ADCY2: variants seen among roughly 807,000 people sequenced by gnomAD.
ADCY2 encodes adenylate cyclase type 2.
Under a neutral mutation model 125.2 loss-of-function variants are expected in ADCY2, and 31 were observed. The observed-to-expected ratio is 0.25, with a 90% CI of 0.19 to 0.33. The LOEUF is 0.33. Ranked by LOEUF, ADCY2 falls within the 10% of genes least tolerant of loss-of-function variation. The pLI, the probability that ADCY2 is intolerant of heterozygous loss-of-function variation, is 1.00. For synonymous variants in ADCY2, 512 were observed against 548.4 expected (o/e 0.93, Z 0.93); for missense variants, 904 against 1,418.2 (o/e 0.64, Z 5.82).
chr5:7,650,880 G>A (rs1739064411), intron 4 of ADCY2, among the ~76,000 whole-genome samples: 1 of 152,134 alleles, frequency 6.6e-6, no homozygotes, highest in African/African-American at 2.4e-5. Context: ...TTGTAGGGCG[G>A]TTGCCCAGGG....
chr5:7,421,446 G>T (rs369918968), intron 2 of ADCY2, among the ~76,000 whole-genome samples: 18 of 152,284 alleles, frequency 1.2e-4, no homozygotes, highest in African/African-American at 4.1e-4. Context: ...GTCTTCACGT[G>T]GTAGCTCCTC....
chr5:7,705,370 A>T (rs1741233708), intron 7 of ADCY2, among the ~76,000 whole-genome samples: 1 of 152,234 alleles, frequency 6.6e-6, no homozygotes, highest in African/African-American at 2.4e-5. Flanking sequence ...AGTTGCCCTC[A>T]GGGCAGTTAC....
Position 7,715,777 on chromosome 5 carries a change from T to A in ADCY2, c.1623-1380T>A, listed in dbSNP as rs536245745. 6.6e-5 allele frequency among the ~76,000 whole-genome samples: 10 copies of A among 152,260 alleles called. No homozygotes were observed. The South Asian group carries it at 2.1e-3, about 32-fold the overall frequency. On this transcript the variant is annotated intron_variant, in intron 11 of 24. Coordinates refer to ENST00000338316, the MANE Select transcript of ADCY2 (RefSeq NM_020546.3). ...CAGGATGATGGAATTGGAAAACTCA[T>A]CCATCTCATTAATGATAATTCTGTG...
chr5:7,482,112 C>G (rs770328339), intron 2 of ADCY2, among the ~76,000 whole-genome samples: 16 of 152,012 alleles, frequency 1.1e-4, no homozygotes, highest in Admixed American at 2.0e-4. Context: ...TTTAAATTTT[C>G]AAAAAGTATT....
chr5:7,696,008 T>A, intron 6 of ADCY2, 145 bp downstream of exon 6: 1 of 551,970 alleles, frequency 1.8e-6, no homozygotes, highest in Non-Finnish European at 3.1e-6. Flanking sequence ...TCTTTGCTAT[T>A]GATCTTTCAT....
intron 3 of ADCY2, among the ~76,000 whole-genome samples, chr5:7,584,860 A>G (rs1038579242): frequency 6.6e-6 from 1 of 152,178 alleles, no homozygotes; most frequent in Non-Finnish European, 1.5e-5. Flanking sequence ...CGTGAAATGA[A>G]TTAGAACTCT....
intron 2 of ADCY2, among the ~76,000 whole-genome samples, chr5:7,424,166 A>G (rs1230685446): frequency 6.6e-6 from 1 of 152,262 alleles, no homozygotes; most frequent in African/African-American, 2.4e-5. Context: ...TCACATCGCA[A>G]AAATTGTGGG....
At chr5:7,826,587 C>A in intron 24 of ADCY2, 132 bp from the exon 25 acceptor site, 1 of 1,180,996 alleles carries the variant, frequency 8.5e-7, no homozygotes, top group Non-Finnish European at 1.3e-6. Flanking sequence ...TCTCACTTTT[C>A]TACTAACTTC....
chr5:7,662,357 G>T (rs1739563104), intron 4 of ADCY2, among the ~76,000 whole-genome samples: 1 of 152,210 alleles, frequency 6.6e-6, no homozygotes, highest in Admixed American at 6.5e-5. Context: ...GTTACAGGCA[G>T]AAATGCAACT....
chr5:7,402,763 T>C (rs1334596443), intron 1 of ADCY2, among the ~76,000 whole-genome samples: 1 of 152,226 alleles, frequency 6.6e-6, no homozygotes, highest in South Asian at 2.1e-4. Context: ...AAATAATTTA[T>C]TGCATTTGAA....
In ADCY2 at chr5:7,802,116, A is replaced by G; in HGVS notation, c.2629-102A>G. 1 of 1,375,018 alleles carries G rather than the reference A, an allele frequency of 7.3e-7. No individual in the cohort carries two copies. Among genetic ancestry groups the G allele is most frequent in the South Asian group, 1.4e-5 (1 of 73,324 alleles). The allele number at this position is 1,375,018 out of a possible 1,614,324, so 85.2% of individuals were successfully genotyped here. On this transcript the variant is annotated intron_variant, in intron 20 of 24. Transcript: ENST00000338316. The surrounding 1 kb of genome is among the most constrained non-coding windows in gnomAD (Gnocchi z 4.6). ...GGCAAGTGGAGTAGGCATTTGGGCGATGTCTGTGTGAATCCTGGCATAAAC... is the reference window on the plus strand; with the variant it reads ...GGCAAGTGGAGTAGGCATTTGGGCGGTGTCTGTGTGAATCCTGGCATAAAC...
At chr5:7,757,405 C>G in intron 15 of ADCY2, 44 bp from the exon 16 acceptor site, 1 of 1,598,826 alleles carries the variant, frequency 6.3e-7, no homozygotes, top group Non-Finnish European at 8.5e-7. Context: ...GGAGAGAAGT[C>G]ATCAGCTAGC....
At chr5:7,399,003 T>A (rs1349802133) in intron 1 of ADCY2, among the ~76,000 whole-genome samples, 1 of 152,180 alleles carries the variant, frequency 6.6e-6, no homozygotes, top group Admixed American at 6.5e-5. Flanking sequence ...ATGAGTTCAT[T>A]TCTTGGGCTG....
At chr5:7,555,642 G>A (rs759978380) in intron 3 of ADCY2, among the ~76,000 whole-genome samples, 13 of 152,094 alleles carry the variant, frequency 8.5e-5, no homozygotes, top group Non-Finnish European at 1.2e-4. Flanking sequence ...AGGTACTTTC[G>A]AAGCATGTAT....
chr5:7,489,829 G>T (rs762612894), intron 2 of ADCY2, among the ~76,000 whole-genome samples: 8 of 152,188 alleles, frequency 5.3e-5, no homozygotes, highest in Non-Finnish European at 1.2e-4. Flanking sequence ...GTGTGTGTGT[G>T]TGGCAGGAGG....
intron 4 of ADCY2, among the ~76,000 whole-genome samples, chr5:7,636,919 C>T (rs1561138088): frequency 6.6e-6 from 1 of 152,178 alleles, no homozygotes; most frequent in Non-Finnish European, 1.5e-5. Context: ...TGAGTTCCCA[C>T]AGCTCTTCTG....
At chr5:7,602,461 C>A (rs1291959625) in intron 3 of ADCY2, among the ~76,000 whole-genome samples, 6 of 152,170 alleles carry the variant, frequency 3.9e-5, no homozygotes, top group Admixed American at 2.0e-4. Flanking sequence ...AGCTTGCAGA[C>A]CTTCATGCAC....
chr5:7,531,266 C>T lies in ADCY2; in HGVS notation c.570+10367C>T, dbSNP rs181347314. On this transcript the variant is annotated intron_variant, in intron 3 of 24. Transcript: ENST00000338316. ...GAGAAGCCCACTTCTGCTACCCAGG[C>T]GACCTGGAGGGCCGCCGTTTTCCTC... Among the ~76,000 whole-genome samples the T allele has an allele frequency of 6.6e-5, 10 of 152,240 alleles. No individual in the cohort carries two copies. The South Asian group carries it at 1.0e-3, about 16-fold the overall frequency.
intron 15 of ADCY2, among the ~76,000 whole-genome samples, chr5:7,752,472 T>C (rs1381485910): frequency 8.3e-6 from 1 of 119,888 alleles, no homozygotes; most frequent in African/African-American, 2.9e-5. Flanking sequence ...TTATAACTTT[T>C]CTGGATTTTT....
Sources: allele counts gnomAD v4.1 joint callset (sites outside exome capture counted in the v4.1 genomes callset), GRCh38; gene constraint gnomAD v4.1.1; non-coding constraint Gnocchi (gnomAD v3.1); transcripts MANE v1.5; gene names NCBI Gene and HGNC (gene_info 2026-07-23, HGNC 2026-07-21).